The following AHNAK variants were observed in gnomAD, a reference collection of about 807,000 sequenced individuals.
AHNAK encodes the protein AHNAK nucleoprotein.
A neutral mutation model predicts 37.8 loss-of-function variants in AHNAK; 23 were observed. The ratio of observed to expected loss-of-function variants is 0.61; its 90% CI spans 0.44 to 0.86. The LOEUF is 0.86. Ranked by LOEUF, AHNAK falls within the 40% of genes least tolerant of loss-of-function variation. The probability of loss-of-function intolerance (pLI) is 0.00; values close to 1 mark genes in which losing one functional copy is unlikely to be tolerated. For synonymous variants in AHNAK, 2,481 were observed against 2,636.3 expected (o/e 0.94, Z 1.80); for missense variants, 7,411 against 7,319.4 (o/e 1.01, Z -0.46).
At position 62,526,752 on chromosome 11, in the gene AHNAK, A is replaced by G; in HGVS notation, c.7665T>C (p.Ile2555=). The G allele has an allele frequency of 6.2e-7, 1 of 1,613,722 alleles. No individual in the cohort carries two copies. Among genetic ancestry groups the G allele is most frequent in the South Asian group, 1.1e-5 (1 of 91,066 alleles). The change falls in exon 5 of 5, where the codon ATT becomes ATC. Residue 2555 remains isoleucine, a synonymous_variant. Transcript: ENST00000378024. ...CTTTCAACTTTCCCTCTGGTCCTTC[A>G]ATATTAACATCAGGGCCTTCAATGT... is the stretch of plus-strand genomic sequence containing the variant. ...KVDIEGPDVN[I]EGPEGKLKGP...
Position 62,524,065 on chromosome 11 carries a change from A to G in AHNAK, c.10352T>C (p.Ile3451Thr). The G allele has an allele frequency of 2.5e-6, 4 of 1,614,128 alleles. No homozygotes were observed. Among genetic ancestry groups the G allele is most frequent in the Non-Finnish European group, 3.4e-6 (4 of 1,180,022 alleles). ...ATTAAGATTGACTTCTGGTGCCTTAATATCCACTTTGGGGCCTTTAAAGTC... is the reference window on the plus strand; with the variant it reads ...ATTAAGATTGACTTCTGGTGCCTTAGTATCCACTTTGGGGCCTTTAAAGTC... ...EGDFKGPKVD[I>T]KAPEVNLNAP... Residue 3451 changes from isoleucine to threonine, a missense_variant, in exon 5 of 5, where the codon ATT becomes ACT. Physicochemically the swap from Ile to Thr is moderately conservative, Grantham distance 89 (BLOSUM62 -1). Coordinates refer to ENST00000378024, the MANE Select transcript of AHNAK (RefSeq NM_001620.3).
chr11:62,500,846 T>C (rs1033867730), intron 4 of AHNAK, among the ~76,000 whole-genome samples: 3 of 152,238 alleles, frequency 2.0e-5, no homozygotes, highest in Non-Finnish European at 4.4e-5. Flanking sequence ...AGCGTTGAGC[T>C]GGGAATGCTC....
chr11:62,485,752 A>C (rs764092148), intron 5 of AHNAK, among the ~76,000 whole-genome samples: 1 of 150,516 alleles, frequency 6.6e-6, no homozygotes, highest in Non-Finnish European at 1.5e-5. Context: ...GTGGTGGCTC[A>C]TGCCTGTAAT....
chr11:62,518,984 T>C lies in AHNAK; in HGVS notation c.15433A>G (p.Met5145Val), dbSNP rs1219911622. The part of the protein sequence containing the change: ...DIKAKAPKVK[M>V]PDVDISVPKI... ...GGCACTGAGATGTCCACATCTGGCA[T>C]CTTGACCTTGGGAGCCTTCGCCTTG... The change falls in exon 5 of 5, where the codon ATG becomes GTG. Residue 5145 changes from methionine (M) to valine (V), a missense_variant. Coordinates refer to ENST00000378024, the MANE Select transcript of AHNAK (RefSeq NM_001620.3). The C allele has an allele frequency of 1.2e-6, 2 of 1,614,196 alleles. No homozygotes were observed. The highest frequency in any genetic ancestry group is 1.1e-5 in the South Asian group (1 of 91,082).
At chr11:62,510,598 G>A (rs1413225803) in intron 4 of AHNAK, among the ~76,000 whole-genome samples, 1 of 151,854 alleles carries the variant, frequency 6.6e-6, no homozygotes, top group African/African-American at 2.4e-5. Flanking sequence ...ACAAAAATTA[G>A]GCAGGCATGA....
chr11:62,517,133 A>C lies in AHNAK; in HGVS notation c.17284T>G (p.Ser5762Ala). The C allele has an allele frequency of 6.2e-7, 1 of 1,612,988 alleles. No homozygotes were observed. The highest frequency in any genetic ancestry group is 8.5e-7 in the Non-Finnish European group (1 of 1,179,822). The change falls in exon 5 of 5, where the codon TCT becomes GCT. Residue 5762 changes from serine to alanine, a missense_variant. Transcript: ENST00000378024. ...AAGGAGAATTTGCCTTTCGGTGAAGAGGCTTCGGCCTCTGCCTCTCCTTCC... is the reference window on the plus strand; with the variant it reads ...AAGGAGAATTTGCCTTTCGGTGAAGCGGCTTCGGCCTCTGCCTCTCCTTCC... ...SLEGEAEAEASSPKGKFSLFK... is the reference protein window; with the variant it reads ...SLEGEAEAEAASPKGKFSLFK...
At chr11:62,543,150 T>A (rs1941189405) in intron 1 of AHNAK, among the ~76,000 whole-genome samples, 1 of 152,148 alleles carries the variant, frequency 6.6e-6, no homozygotes, top group Non-Finnish European at 1.5e-5. Context: ...TTGCTTAGCC[T>A]GCTCAGCTGG....
rs144778202 is a variant in AHNAK at position 62,534,040 on chromosome 11, G to A, written c.377C>T (p.Thr126Ile). The A allele has an allele frequency of 8.9e-5, 140 of 1,566,022 alleles. No individual in the cohort carries two copies. The highest frequency in any genetic ancestry group is 1.2e-4 in the Non-Finnish European group (138 of 1,154,828). Residue 126 changes from threonine to isoleucine, a missense_variant, in exon 5 of 5, where the codon ACC becomes ATC. By Grantham distance (89) the Thr-to-Ile change is moderately conservative. Transcript: ENST00000378024. ...CTTCAGCCGTGGCTTGATCTTCGTGGTGTAGATGCGCTGGTACTCCTCATC... is the reference window on the plus strand; with the variant it reads ...CTTCAGCCGTGGCTTGATCTTCGTGATGTAGATGCGCTGGTACTCCTCATC... ...GDDEEYQRIY[T>I]TKIKPRLKSE...
At chr11:62,538,394 A>G (rs1941020964) in intron 1 of AHNAK, among the ~76,000 whole-genome samples, 1 of 152,176 alleles carries the variant, frequency 6.6e-6, no homozygotes, top group African/African-American at 2.4e-5. Context: ...GGTGCCCTAG[A>G]AAGACACCAG....
rs1175463749 is a variant in AHNAK at position 62,475,563 on chromosome 11, T to C, written c.442+16169A>G. On this transcript the variant is annotated intron_variant, in intron 5 of 5. Coordinates refer to the AHNAK transcript ENST00000257247. Reference sequence around the variant, plus strand: ...TTGCATTGTTGAAATTTGCGTTTGATATTGGAATATATTCTTAAATAAATG... The same window carrying C: ...TTGCATTGTTGAAATTTGCGTTTGACATTGGAATATATTCTTAAATAAATG... 5.9e-5 allele frequency among the ~76,000 whole-genome samples: 9 copies of C among 151,508 alleles called. 1 individual carries two copies. Among genetic ancestry groups the C allele is most frequent in the Admixed American group, 5.9e-4 (9 of 15,170 alleles).
In AHNAK at chr11:62,520,995, C is replaced by G; in HGVS notation, c.13422G>C (p.Lys4474Asn). 1 of 1,614,032 alleles carries G rather than the reference C, an allele frequency of 6.2e-7. No individual in the cohort carries two copies. The highest frequency in any genetic ancestry group is 8.5e-7 in the Non-Finnish European group (1 of 1,180,008). Reference sequence around the variant, plus strand: ...TAGGTAGTGAAACATCCACATCACCCTTCACCTTGGGACCTTTCAGGTGCA... The same window carrying G: ...TAGGTAGTGAAACATCCACATCACCGTTCACCTTGGGACCTTTCAGGTGCA... ...FDLHLKGPKV[K>N]GDVDVSLPKV... is the part of the protein sequence containing the mutation. Residue 4474 changes from lysine to asparagine, a missense_variant, in exon 5 of 5, where the codon AAG (lysine) becomes AAC (asparagine). Transcript: ENST00000378024.
Position 62,522,184 on chromosome 11 carries a change from G to C in AHNAK, c.12233C>G (p.Pro4078Arg), listed in dbSNP as rs758931485. 2.5e-6 allele frequency: 4 copies of C among 1,613,448 alleles called. No homozygotes were observed. The East Asian group carries it at 8.9e-5, about 36-fold the overall frequency. The change falls in exon 5 of 5, where the codon CCA (proline) becomes CGA (arginine). Residue 4078 changes from proline (P) to arginine (R), a missense_variant. Coordinates refer to ENST00000378024, the MANE Select transcript of AHNAK (RefSeq NM_001620.3). ...TTTGGGCAAATTAACATCCACTTCT[G>C]GGCCCTCTCCTTTAAATCCTGGCAT... ...FSMPGFKGEG[P>R]EVDVNLPKAD...
At position 62,520,597 on chromosome 11, in the gene AHNAK, A is replaced by T. The variant is rs1195980506; in HGVS notation, c.13820T>A (p.Val4607Glu). 1 of 1,614,058 alleles carries T rather than the reference A, an allele frequency of 6.2e-7. No individual in the cohort carries two copies. The change falls in exon 5 of 5, where the codon GTG becomes GAG. Residue 4607 changes from valine to glutamate, a missense_variant. By Grantham distance (121) the Val-to-Glu change is moderately radical (BLOSUM62 -2). Coordinates refer to ENST00000378024, the MANE Select transcript of AHNAK (RefSeq NM_001620.3). ...EVDLNLKGPK[V>E]KGDMDISLPK... ...CAGAGAAATGTCCATGTCGCCCTTC[A>T]CCTTTGGACCTTTCAGATTCAGGTC...
intron 5 of AHNAK, among the ~76,000 whole-genome samples, chr11:62,459,444 G>A (rs1017682798): frequency 1.3e-5 from 2 of 152,064 alleles, no homozygotes; most frequent in Non-Finnish European, 2.9e-5. Context: ...GGGATGTCAG[G>A]ACCAGACACT....
At position 62,522,878 on chromosome 11, in the gene AHNAK, C is replaced by T. The variant is rs754843535; in HGVS notation, c.11539G>A (p.Val3847Met). The change falls in exon 5 of 5, where the codon GTG becomes ATG. Residue 3847 changes from valine to methionine, a missense_variant. Transcript: ENST00000378024. ...TTTCCCTCTGGGCCTTCGATATTCA[C>T]ATCTGGAACATCAATGTCCACCTTG... is the stretch of plus-strand genomic sequence containing the variant. ...GPKVDIDVPD[V>M]NIEGPEGKLK... The T allele has an allele frequency of 4.3e-6, 7 of 1,612,716 alleles. No individual in the cohort carries two copies. The highest frequency in any genetic ancestry group is 5.1e-6 in the Non-Finnish European group (6 of 1,179,708).
chr11:62,500,492 G>C (rs1452907598), intron 4 of AHNAK, among the ~76,000 whole-genome samples: 1 of 152,158 alleles, frequency 6.6e-6, no homozygotes, highest in Admixed American at 6.6e-5. Context: ...ATCAGAGTCA[G>C]GTTTGAACCT....
chr11:62,529,502 G>A lies in AHNAK; in HGVS notation c.4915C>T (p.Pro1639Ser). 6.2e-7 allele frequency: 1 copy of A among 1,613,916 alleles called. No homozygotes were observed. Among genetic ancestry groups the A allele is most frequent in the African/African-American group, 1.3e-5 (1 of 74,928 alleles). ...IEGPEGKLKG[P>S]KFKMPEMHFK... ...TGCATCTCAGGCATCTTAAACTTGGGGCCCTTCAACTTCCCTTCTGGACCT... is the reference window on the plus strand; with the variant it reads ...TGCATCTCAGGCATCTTAAACTTGGAGCCCTTCAACTTCCCTTCTGGACCT... The change falls in exon 5 of 5, where the codon CCC (proline) becomes TCC (serine). Residue 1639 changes from proline to serine, a missense_variant. Coordinates refer to ENST00000378024, the MANE Select transcript of AHNAK (RefSeq NM_001620.3).
intron 1 of AHNAK, among the ~76,000 whole-genome samples, chr11:62,546,403 A>C (rs1363457289): frequency 1.3e-5 from 2 of 152,228 alleles, no homozygotes; most frequent in African/African-American, 4.8e-5. Flanking sequence ...CCTCCGGAGA[A>C]ATAAAGAGTG....
rs761296495 is a variant in AHNAK, at chr11:62,530,837, T to C, written c.3580A>G (p.Lys1194Glu). 74 of 1,613,840 alleles carry C rather than the reference T, an allele frequency of 4.6e-5. 1 individual carries two copies. The highest frequency in any genetic ancestry group is 6.0e-5 in the Non-Finnish European group (71 of 1,180,006). ...AAGTCCACATCAGGCATGGAGATCT[T>C]GGGGGTCTTGAAATGCATCTCAGGC... ...KMPEMHFKTP[K>E]ISMPDVDLHL... The change falls in exon 5 of 5, where the codon AAG (lysine) becomes GAG (glutamate). Residue 1194 changes from lysine (K) to glutamate (E), a missense_variant. Physicochemically the swap from Lys to Glu is moderately conservative, Grantham distance 56. Transcript: ENST00000378024.
Sources: gnomAD v4.1 joint callset for allele counts (sites outside exome capture counted in the v4.1 genomes callset) on GRCh38, gnomAD v4.1.1 for gene constraint, MANE v1.5 for transcripts, NCBI Gene and HGNC (gene_info 2026-07-23, HGNC 2026-07-21) for gene names.